The following SCTR variants were observed in gnomAD, a reference collection of about 807,000 sequenced individuals.
SCTR encodes the protein pancreatic secretin receptor.
SCTR carries 56 observed loss-of-function variants against 60.8 expected under a neutral mutation model. That is an observed-to-expected ratio of 0.92 (90% CI 0.74 to 1.15). SCTR has a LOEUF of 1.15. Ranked by LOEUF, SCTR falls within the 50% of genes most tolerant of loss-of-function variation. The probability of loss-of-function intolerance (pLI) is 0.00; values close to 1 mark genes in which losing one functional copy is unlikely to be tolerated. For synonymous variants in SCTR, 202 were observed against 217.0 expected, an observed-to-expected ratio of 0.93 and a Z score of 0.61; for missense variants, 562 against 550.4, an observed-to-expected ratio of 1.02 and a Z score of -0.21.
chr2:119,474,524 GT>G (rs1677180412), intron 3 of SCTR, among the ~76,000 whole-genome samples: 1 of 152,234 alleles, frequency 6.6e-6, no homozygotes, highest in Non-Finnish European at 1.5e-5. Flanking sequence ...GCCGGTGTAA[GT>G]GTTGCAGGGG....
intron 11 of SCTR, 124 bp from the exon 12 acceptor site, chr2:119,441,723 C>T (rs1682664109): frequency 1.2e-6 from 1 of 818,048 alleles, no homozygotes; most frequent in Admixed American, 2.0e-5. Flanking sequence ...CCCCACCTCT[C>T]TTGCCTCACT....
intron 6 of SCTR, 108 bp downstream of exon 6, chr2:119,464,015 C>T (rs1683720063): frequency 1.7e-6 from 2 of 1,210,800 alleles, no homozygotes; most frequent in Non-Finnish European, 1.2e-6. Flanking sequence ...TTAAGTGCAG[C>T]CTCAGCAGGG....
intron 1 of SCTR, among the ~76,000 whole-genome samples, chr2:119,513,868 G>A (rs1679031556): frequency 6.6e-6 from 1 of 152,130 alleles, no homozygotes; most frequent in Non-Finnish European, 1.5e-5. Flanking sequence ...TGGAACTGGT[G>A]CCCATCCATT....
intron 7 of SCTR, among the ~76,000 whole-genome samples, chr2:119,455,529 C>T (rs563399715): frequency 6.6e-6 from 1 of 152,184 alleles, no homozygotes; most frequent in African/African-American, 2.4e-5. Flanking sequence ...GATAAAAGGT[C>T]GTATCTACAA....
At position 119,524,432 on chromosome 2, in the gene SCTR, C is replaced by A; in HGVS notation, c.-206G>T. On this transcript the variant is annotated 5_prime_UTR_variant, in exon 1 of 13. The change abolishes an upstream ATG in the 5' untranslated region. Transcript: ENST00000019103. Reference sequence around the variant, plus strand: ...GCCGCGCGCGCTAAGCCGCCCGCCCCATTGATCAGGACGCGGCTTTGCCGG... The same window carrying A: ...GCCGCGCGCGCTAAGCCGCCCGCCCAATTGATCAGGACGCGGCTTTGCCGG... 2.6e-6 allele frequency: 1 copy of A among 378,748 alleles called. No individual in the cohort carries two copies. The highest frequency in any genetic ancestry group is 4.0e-5 in the East Asian group (1 of 24,954). The allele number at this position is 378,748 out of a possible 1,614,324, so 23.5% of individuals were successfully genotyped here. A position where few individuals can be genotyped will look rare whatever the true frequency, so the allele number is the denominator to read the frequency against.
chr2:119,524,232 C>T lies in SCTR; in HGVS notation c.-6G>A. On this transcript the variant is annotated 5_prime_UTR_variant, in exon 1 of 13. Coordinates refer to ENST00000019103, the MANE Select transcript of SCTR (RefSeq NM_002980.3). ...GGCGACAGGTGGGGACGCATGGTGC[C>T]CGCACGTTCCCCGAGGGCGCCCCGA... 6.9e-7 allele frequency: 1 copy of T among 1,454,294 alleles called. No individual in the cohort carries two copies. Among genetic ancestry groups the T allele is most frequent in the South Asian group, 1.4e-5 (1 of 73,028 alleles). 90.1% of individuals were successfully genotyped at this position (1,454,294 alleles called of 1,614,324 possible).
At chr2:119,440,659 G>A (rs558822932) in intron 12 of SCTR, among the ~76,000 whole-genome samples, 8 of 152,296 alleles carry the variant, frequency 5.3e-5, no homozygotes, top group Admixed American at 4.6e-4. Context: ...TGGGCAGAGG[G>A]CCAGCTTAGA....
At chr2:119,440,341 C>G in intron 12 of SCTR, 84 bp from the exon 13 acceptor site, 6 of 1,468,096 alleles carry the variant, frequency 4.1e-6, no homozygotes, top group Non-Finnish European at 5.5e-6. Context: ...TGACTCCACG[C>G]AGGCCCTGCC....
intron 9 of SCTR, among the ~76,000 whole-genome samples, chr2:119,450,627 A>G (rs1683126737): frequency 6.6e-5 from 10 of 152,200 alleles, no homozygotes; most frequent in Admixed American, 6.5e-4. Context: ...TGGTCATAAC[A>G]TATATGTAGC....
chr2:119,479,047 G>T (rs1194875910), intron 2 of SCTR, 129 bp from the exon 3 acceptor site: 1 of 1,491,194 alleles, frequency 6.7e-7, no homozygotes, highest in Non-Finnish European at 8.9e-7. Context: ...CTCTCATTAG[G>T]TGCTGACTCC....
intron 1 of SCTR, among the ~76,000 whole-genome samples, chr2:119,516,562 G>A (rs999808631): frequency 6.6e-6 from 1 of 152,302 alleles, no homozygotes; most frequent in East Asian, 1.9e-4. Context: ...GGGCCTGGGA[G>A]GGGGTGGGAA....
At chr2:119,489,442 G>T (rs1678029775) in intron 2 of SCTR, among the ~76,000 whole-genome samples, 1 of 152,104 alleles carries the variant, frequency 6.6e-6, no homozygotes, top group South Asian at 2.1e-4. Flanking sequence ...ACTCGGTCTG[G>T]CAAGCCCTGT....
intron 3 of SCTR, 69 bp downstream of exon 3, chr2:119,478,742 T>A: frequency 1.3e-6 from 2 of 1,485,068 alleles, no homozygotes; most frequent in Middle Eastern, 3.6e-4. Context: ...CTCCTGCCTC[T>A]AAGCTGAGGC....
intron 9 of SCTR, among the ~76,000 whole-genome samples, chr2:119,450,405 G>A (rs755786946): frequency 3.3e-5 from 5 of 152,044 alleles, no homozygotes; most frequent in East Asian, 1.9e-4. Flanking sequence ...GAATAACAGC[G>A]GGCTTGCTTA....
At chr2:119,493,509 T>C (rs1178768487) in intron 2 of SCTR, among the ~76,000 whole-genome samples, 2 of 152,238 alleles carry the variant, frequency 1.3e-5, no homozygotes, top group East Asian at 3.8e-4. Flanking sequence ...ATAAACTTAG[T>C]GCTTAAAGTG....
intron 7 of SCTR, among the ~76,000 whole-genome samples, chr2:119,459,546 T>C (rs1683515976): frequency 6.6e-6 from 1 of 152,122 alleles, no homozygotes; most frequent in Non-Finnish European, 1.5e-5. Flanking sequence ...TTCTCACAGA[T>C]AGAGGGGCTT....
At chr2:119,507,603 A>G (rs1463844786) in intron 1 of SCTR, among the ~76,000 whole-genome samples, 1 of 152,008 alleles carries the variant, frequency 6.6e-6, no homozygotes, top group Admixed American at 6.6e-5. Flanking sequence ...CTAAGAGCCA[A>G]ATTTGCTATG....
rs1179382517 is a variant in SCTR, at chr2:119,446,851, G to A, written c.1048C>T (p.Leu350Phe). Residue 350 changes from leucine (L) to phenylalanine (F), a missense_variant, in exon 11 of 13, where the codon CTC (leucine) becomes TTC (phenylalanine). Transcript: ENST00000019103. ...AAGACGATGTAGTGGATGCCAAAGA[G>A]GGGGATCAGCAGGAGAGTGGACCTG... Reference protein sequence around the residue: ...LARSTLLLIPLFGIHYIVFAF... With the variant: ...LARSTLLLIPFFGIHYIVFAF... 1 of 1,576,710 alleles carries A rather than the reference G, an allele frequency of 6.3e-7. No homozygotes were observed. Among genetic ancestry groups the A allele is most frequent in the Admixed American group, 1.8e-5 (1 of 55,802 alleles).
chr2:119,494,679 C>T lies in SCTR; in HGVS notation c.73-131G>A, dbSNP rs1678280443. ...GCAAAGCCCTTGCCTGCAAGGATCT[C>T]CTGGTCTGCAGGAAAGGTGGAGGCA... is the stretch of plus-strand genomic sequence containing the variant. On this transcript the variant is annotated intron_variant, in intron 1 of 12. Coordinates refer to ENST00000019103, the MANE Select transcript of SCTR (RefSeq NM_002980.3). The T allele has an allele frequency of 8.6e-6, 8 of 927,378 alleles. No individual in the cohort carries two copies. The South Asian group carries it at 1.3e-4, about 15-fold the overall frequency. 57.4% of individuals were successfully genotyped at this position (927,378 alleles called of 1,614,324 possible).
Sources: allele counts gnomAD v4.1 joint callset (sites outside exome capture counted in the v4.1 genomes callset), GRCh38; gene constraint gnomAD v4.1.1; transcripts MANE v1.5; gene names NCBI Gene and HGNC (gene_info 2026-07-23, HGNC 2026-07-21).